Variants in RIMS2 observed in about 807,000 individuals in gnomAD.
The protein encoded by RIMS2 is regulating synaptic membrane exocytosis protein 2.
Under a neutral mutation model 174.4 loss-of-function variants are expected in RIMS2, and 59 were observed. That is an observed-to-expected ratio of 0.34 (90% CI 0.27 to 0.42). The LOEUF is 0.42. Among genes scored for constraint, RIMS2 ranks in the 10% least tolerant of loss-of-function variants. The pLI is 1.00. For synonymous variants in RIMS2, 606 were observed against 572.5 expected (o/e 1.06, Z -0.84); for missense variants, 1,620 against 1,666.3 (o/e 0.97, Z 0.48).
intron 19 of RIMS2, among the ~76,000 whole-genome samples, chr8:104,091,894 GGC>G (rs1256120807): frequency 1.3e-5 from 2 of 151,510 alleles, no homozygotes; most frequent in African/African-American, 4.8e-5. Context: ...CCTGGGAAAA[GGC>G]AGCAATTTTT....
intron 1 of RIMS2, among the ~76,000 whole-genome samples, chr8:103,651,632 C>A (rs545233684): frequency 6.6e-6 from 1 of 152,160 alleles, no homozygotes; most frequent in African/African-American, 2.4e-5. Flanking sequence ...TAGTTGTTTG[C>A]ATAATTAACT....
chr8:104,199,503 C>T (rs1032011576), intron 19 of RIMS2, among the ~76,000 whole-genome samples: 17 of 152,142 alleles, frequency 1.1e-4, no homozygotes, highest in African/African-American at 2.7e-4. Flanking sequence ...TCTTTTCCAC[C>T]GGCTGCCACT....
At chr8:104,106,550 T>TTTC (rs1348811709) in intron 19 of RIMS2, among the ~76,000 whole-genome samples, 5 of 152,166 alleles carry the variant, frequency 3.3e-5, no homozygotes, top group Non-Finnish European at 7.4e-5. Flanking sequence ...ATAAAATGCA[T>TTTC]TTCTATGCTC....
At chr8:103,631,841 T>TA (rs1467111540) in intron 1 of RIMS2, among the ~76,000 whole-genome samples, 1 of 152,186 alleles carries the variant, frequency 6.6e-6, no homozygotes, top group Non-Finnish European at 1.5e-5. Flanking sequence ...AGAGACCTTT[T>TA]ACCTTCCTGG....
Position 103,568,836 on chromosome 8 carries a change from G to A in RIMS2, c.176+67774G>A, listed in dbSNP as rs1007723004. The A allele has an allele frequency of 3.7e-5, 43 of 1,155,450 alleles. No homozygotes were observed. The Admixed American group carries it at 6.5e-4, about 17-fold the overall frequency. 71.6% of individuals were successfully genotyped at this position (1,155,450 alleles called of 1,614,324 possible). A position where few individuals can be genotyped will look rare whatever the true frequency, so the allele number is the denominator to read the frequency against. ...AAGAAGCTGAGCATATTCTTCTGTA[G>A]GGTTAGCTGGCTGGTCTTTGTTAAT... On this transcript the variant is annotated intron_variant, in intron 1 of 23. Coordinates refer to ENST00000504942, the Ensembl canonical transcript of RIMS2.
chr8:104,016,392 A>G (rs1370695419), intron 19 of RIMS2, among the ~76,000 whole-genome samples: 2 of 152,058 alleles, frequency 1.3e-5, no homozygotes, highest in African/African-American at 2.4e-5. Context: ...AATATTTTAT[A>G]CCCTTATATA....
At chr8:103,615,106 C>T (rs1236188037) in intron 1 of RIMS2, among the ~76,000 whole-genome samples, 1 of 152,058 alleles carries the variant, frequency 6.6e-6, no homozygotes, top group Non-Finnish European at 1.5e-5. Context: ...GTACCCTTTA[C>T]TGCTCTAAAA....
At chr8:104,074,047 G>C (rs1177658328) in intron 19 of RIMS2, among the ~76,000 whole-genome samples, 1 of 152,138 alleles carries the variant, frequency 6.6e-6, no homozygotes. Flanking sequence ...TAGCACTTAT[G>C]CGCTTCTCAA....
intron 19 of RIMS2, among the ~76,000 whole-genome samples, chr8:104,028,471 T>C (rs752998393): frequency 7.9e-5 from 12 of 152,170 alleles, no homozygotes; most frequent in Non-Finnish European, 1.5e-4. Context: ...AAAAACAAAT[T>C]AACTTTTAAT....
chr8:104,161,742 C>G (rs1566766948), intron 19 of RIMS2, among the ~76,000 whole-genome samples: 1 of 152,204 alleles, frequency 6.6e-6, no homozygotes, highest in Admixed American at 6.5e-5. Flanking sequence ...CTGTGTCTCA[C>G]AAGACCAAAA....
At chr8:103,868,414 T>C (rs1436232793) in intron 3 of RIMS2, among the ~76,000 whole-genome samples, 1 of 152,026 alleles carries the variant, frequency 6.6e-6, no homozygotes, top group Non-Finnish European at 1.5e-5. Flanking sequence ...ACTCTCTGGA[T>C]TTTTTCCTTT....
intron 3 of RIMS2, among the ~76,000 whole-genome samples, chr8:103,858,908 C>G (rs367714978): frequency 6.6e-6 from 1 of 151,894 alleles, no homozygotes; most frequent in Admixed American, 6.6e-5. Context: ...ATTCATTGAG[C>G]TTGTCATTCA....
intron 19 of RIMS2, among the ~76,000 whole-genome samples, chr8:104,022,766 C>T (rs2096137367): frequency 6.6e-6 from 1 of 152,182 alleles, no homozygotes; most frequent in African/African-American, 2.4e-5. Context: ...ATTGGAACCT[C>T]AGTTATAAAT....
intron 17 of RIMS2, among the ~76,000 whole-genome samples, chr8:103,990,245 C>A (rs1394997733): frequency 2.0e-5 from 3 of 152,156 alleles, no homozygotes; most frequent in Admixed American, 2.0e-4. Flanking sequence ...TGAGAAATTA[C>A]TGTTTACATT....
chr8:103,960,622 A>G (rs193062427), intron 14 of RIMS2, among the ~76,000 whole-genome samples: 23 of 152,286 alleles, frequency 1.5e-4, no homozygotes, highest in Admixed American at 8.5e-4. Flanking sequence ...TTGGTGATGC[A>G]TATTAGAAAA....
chr8:103,710,387 T>C (rs2097289396), intron 2 of RIMS2, among the ~76,000 whole-genome samples: 1 of 152,102 alleles, frequency 6.6e-6, no homozygotes, highest in African/African-American at 2.4e-5. Context: ...AGAAAATAAA[T>C]GAAGGGCAGG....
chr8:104,188,943 T>C (rs536172153), intron 19 of RIMS2, among the ~76,000 whole-genome samples: 24 of 152,036 alleles, frequency 1.6e-4, no homozygotes, highest in Admixed American at 1.5e-3. Context: ...ATTACAAATA[T>C]TAGACTTTCA....
At chr8:103,635,789 G>A (rs539958408) in intron 1 of RIMS2, among the ~76,000 whole-genome samples, 34 of 152,096 alleles carry the variant, frequency 2.2e-4, no homozygotes, top group Middle Eastern at 3.4e-3. Flanking sequence ...GTCATGTCAC[G>A]CACTCTGAAG....
At chr8:103,692,550 T>A (rs2097043612) in intron 1 of RIMS2, among the ~76,000 whole-genome samples, 1 of 152,274 alleles carries the variant, frequency 6.6e-6, no homozygotes, top group Non-Finnish European at 1.5e-5. Context: ...TGGCAAGTAC[T>A]GCCTGGGCAT....
Sources: allele counts gnomAD v4.1 joint callset (sites outside exome capture counted in the v4.1 genomes callset), GRCh38; gene constraint gnomAD v4.1.1; transcripts MANE v1.5; gene names NCBI Gene and HGNC (gene_info 2026-07-23, HGNC 2026-07-21).